The following WDR41 variants were observed in gnomAD, a reference collection of about 807,000 sequenced individuals.
The protein encoded by WDR41 is WD repeat domain 41, also known as WD repeat-containing protein 41.
Under a neutral mutation model 69.3 loss-of-function variants are expected in WDR41, and 63 were observed. The observed-to-expected ratio is 0.91, with a 90% CI of 0.74 to 1.12. WDR41 has a LOEUF of 1.12. Ranked by LOEUF, WDR41 falls within the 50% of genes most tolerant of loss-of-function variation. WDR41 has a pLI of 0.00. For missense variants in WDR41, 543 were observed against 534.5 expected, an observed-to-expected ratio of 1.02 and a Z score of -0.16; for synonymous variants, 185 against 192.1, an observed-to-expected ratio of 0.96 and a Z score of 0.31.
In WDR41 at chr5:77,436,901, G is replaced by A. The variant is rs567777456; in HGVS notation, c.1093+435C>T. ...TGTTTTTCAAACTAAACACCTGGAA[G>A]TCAAGAGCTCATAAAATTATGATAT... On this transcript the variant is annotated intron_variant, in intron 11 of 12. Coordinates refer to ENST00000296679, the MANE Select transcript of WDR41 (RefSeq NM_018268.4). 3.6e-4 allele frequency among the ~76,000 whole-genome samples: 55 copies of A among 152,286 alleles called. 1 individual carries two copies. The highest frequency in any genetic ancestry group is 2.4e-3 in the Admixed American group (36 of 15,300).
chr5:77,617,393 T>TAC lies in WDR41; in HGVS notation c.42+3084_42+3085dup, dbSNP rs58840270. ...TTTCTGTCTCTCTCATCTACACACA[T>TAC]ACACACACACACACAGATGCATTAA... On this transcript the variant is annotated intron_variant, in intron 1 of 5. Coordinates refer to the WDR41 transcript ENST00000509971. 1.9e-3 allele frequency among the ~76,000 whole-genome samples: 289 copies of TAC among 151,026 alleles called. 1 individual carries two copies. Among genetic ancestry groups the TAC allele is most frequent in the African/African-American group, 6.4e-3 (265 of 41,322 alleles).
At chr5:77,578,801 T>C (rs1369073122) in intron 1 of WDR41, among the ~76,000 whole-genome samples, 2 of 146,354 alleles carry the variant, frequency 1.4e-5, no homozygotes, top group East Asian at 2.0e-4. Context: ...GAGGCAGAGG[T>C]TGCAGTAAGC....
rs1170825422 is a variant in WDR41 at position 77,479,913 on chromosome 5, C to A, written c.167+9544G>T. ...CCTACAAAATGGGAGAAAATTTTCG[C>A]AACCTACTCATCTGACAAAGGGCTA... On this transcript the variant is annotated intron_variant, in intron 2 of 12. Coordinates refer to ENST00000296679, the MANE Select transcript of WDR41 (RefSeq NM_018268.4). Among the ~76,000 whole-genome samples, 6 of 151,842 alleles carry A rather than the reference C, an allele frequency of 4.0e-5. 1 individual carries two copies. Among genetic ancestry groups the A allele is most frequent in the Admixed American group, 6.6e-5 (1 of 15,246 alleles).
intron 9 of WDR41, among the ~76,000 whole-genome samples, chr5:77,438,805 C>A (rs773571637): frequency 2.0e-4 from 30 of 151,946 alleles, no homozygotes; most frequent in Non-Finnish European, 4.0e-4. Flanking sequence ...AATCAGGAGA[C>A]CTACAAGTGA....
chr5:77,603,204 G>A (rs1744356695), intron 1 of WDR41, among the ~76,000 whole-genome samples: 1 of 152,114 alleles, frequency 6.6e-6, no homozygotes, highest in Non-Finnish European at 1.5e-5. Context: ...CCAAAGTGCT[G>A]GGATTACAGG....
At chr5:77,534,103 G>T (rs1298029064) in intron 1 of WDR41, among the ~76,000 whole-genome samples, 3 of 152,046 alleles carry the variant, frequency 2.0e-5, no homozygotes, top group African/African-American at 7.2e-5. Context: ...TGAATCTAAA[G>T]ATTCTACCCC....
At chr5:77,529,437 G>T (rs894552529) in intron 1 of WDR41, among the ~76,000 whole-genome samples, 4 of 151,446 alleles carry the variant, frequency 2.6e-5, no homozygotes, top group Non-Finnish European at 5.9e-5. Flanking sequence ...TTATAAAGAT[G>T]TCAATTCTCC....
rs1278552774 is a variant in WDR41 at position 77,431,719 on chromosome 5, A to G, written c.*1416T>C. ...CTCCCTTGTGTCATACAACTTCAGA[A>G]AACAACTTTACAAATGTATGGGCCA... On this transcript the variant is annotated 3_prime_UTR_variant, in exon 13 of 13. Transcript: ENST00000296679. 2 of 152,250 alleles carry G rather than the reference A, an allele frequency of 1.3e-5. No homozygotes were observed. The highest frequency in any genetic ancestry group is 2.9e-5 in the Non-Finnish European group (2 of 68,036). 9.4% of individuals were successfully genotyped at this position (152,250 alleles called of 1,614,324 possible). A position where few individuals can be genotyped will look rare whatever the true frequency, so the allele number is the denominator to read the frequency against.
chr5:77,463,637 T>G (rs1164553726), intron 3 of WDR41, among the ~76,000 whole-genome samples: 1 of 152,194 alleles, frequency 6.6e-6, no homozygotes, highest in Non-Finnish European at 1.5e-5. Context: ...CCATAACAAC[T>G]GTATATGTAC....
intron 1 of WDR41, among the ~76,000 whole-genome samples, chr5:77,529,849 T>C (rs1802501171): frequency 6.6e-6 from 1 of 151,698 alleles, no homozygotes; most frequent in Non-Finnish European, 1.5e-5. Context: ...TGCTTCTTTA[T>C]ACGATGTACC....
At chr5:77,586,049 C>G (rs528918282) in intron 1 of WDR41, among the ~76,000 whole-genome samples, 21 of 152,218 alleles carry the variant, frequency 1.4e-4, no homozygotes, top group African/African-American at 5.1e-4. Context: ...CTATCTAAAA[C>G]TTCATAAGCC....
intron 1 of WDR41, among the ~76,000 whole-genome samples, chr5:77,498,705 G>T (rs1460046): frequency 0.59 from 89,415 of 151,350 alleles, 27,675 homozygotes; most frequent in African/African-American, 0.77. Flanking sequence ...TGTGGTTCCA[G>T]TAACTCAGGA....
At chr5:77,526,070 C>T (rs1460044) in intron 1 of WDR41, among the ~76,000 whole-genome samples, 76 of 152,094 alleles carry the variant, frequency 5.0e-4, no homozygotes, top group Non-Finnish European at 9.3e-4. Flanking sequence ...ATATTTTATT[C>T]CTTACAAAAA....
chr5:77,546,645 C>T (rs574273136), intron 1 of WDR41, among the ~76,000 whole-genome samples: 55 of 152,176 alleles, frequency 3.6e-4, no homozygotes, highest in Non-Finnish European at 6.0e-4. Context: ...AAATTACCAA[C>T]AAAGAAGTCC....
chr5:77,508,516 C>T (rs1215869939), intron 1 of WDR41, among the ~76,000 whole-genome samples: 1 of 152,158 alleles, frequency 6.6e-6, no homozygotes, highest in Non-Finnish European at 1.5e-5. Flanking sequence ...GTTCTTTGAA[C>T]ATATTTATAA....
chr5:77,439,124 C>T (rs370927375), intron 9 of WDR41, among the ~76,000 whole-genome samples: 8 of 152,306 alleles, frequency 5.3e-5, no homozygotes, highest in African/African-American at 1.7e-4. Context: ...TCATTCCTCA[C>T]GTGACTCACA....
Position 77,433,116 on chromosome 5 carries a change from GTATTTTTAATTCCT to G in WDR41, c.*5_*18del. ...TTTGATGTTCAAGGTTCATGCATGT[GTATTTTTAATTCCT>G]TAAACTAGACAGCAAGGTATAAGTC... is the stretch of plus-strand genomic sequence containing the variant. On this transcript the variant is annotated 3_prime_UTR_variant, in exon 13 of 13. Coordinates refer to ENST00000296679, the MANE Select transcript of WDR41 (RefSeq NM_018268.4). 6.2e-7 allele frequency: 1 copy of G among 1,602,512 alleles called. No homozygotes were observed. Among genetic ancestry groups the G allele is most frequent in the Non-Finnish European group, 8.5e-7 (1 of 1,174,708 alleles).
intron 1 of WDR41, among the ~76,000 whole-genome samples, chr5:77,490,174 G>A (rs889724848): frequency 6.6e-6 from 1 of 152,008 alleles, no homozygotes; most frequent in Non-Finnish European, 1.5e-5. Flanking sequence ...ACGTTGGCGA[G>A]ACTGGTCTTG....
Position 77,463,215 on chromosome 5 carries a change from T to C in WDR41, c.228A>G (p.Lys76=). 6.2e-7 allele frequency: 1 copy of C among 1,605,900 alleles called. No individual in the cohort carries two copies. Among genetic ancestry groups the C allele is most frequent in the Non-Finnish European group, 8.5e-7 (1 of 1,177,096 alleles). The stretch of plus-strand genomic sequence containing the variant: ...GAGTGTGTCCATTCAGTTCTAAAAG[T>C]TTTTCCCCTGTCTGAAATACCAATA... ...VVVWNAQTGE[K]LLELNGHTQK... The change falls in exon 4 of 13, where the codon AAA becomes AAG. Residue 76 remains lysine (K), a synonymous_variant. Coordinates refer to ENST00000296679, the MANE Select transcript of WDR41 (RefSeq NM_018268.4).
Sources: gnomAD v4.1 joint callset for allele counts (sites outside exome capture counted in the v4.1 genomes callset) on GRCh38, gnomAD v4.1.1 for gene constraint, MANE v1.5 for transcripts, NCBI Gene and HGNC (gene_info 2026-07-23, HGNC 2026-07-21) for gene names.